Variants in LHFPL2 observed in about 807,000 individuals in gnomAD.
The protein encoded by LHFPL2 is LHFPL tetraspan subfamily member 2 protein.
A neutral mutation model predicts 17.5 loss-of-function variants in LHFPL2; 7 were observed. The ratio of observed to expected loss-of-function variants is 0.40; its 90% CI spans 0.23 to 0.75. The LOEUF (loss-of-function observed/expected upper bound fraction) is 0.75. Among genes scored for constraint, LHFPL2 ranks in the 30% least tolerant of loss-of-function variants. The pLI is 0.37. For missense variants in LHFPL2, 241 were observed against 294.8 expected (o/e 0.82, Z 1.34); for synonymous variants, 134 against 116.2 (o/e 1.15, Z -0.99).
At chr5:78,630,841 C>T (rs919418657) in intron 2 of LHFPL2, among the ~76,000 whole-genome samples, 1 of 152,228 alleles carries the variant, frequency 6.6e-6, no homozygotes, top group Non-Finnish European at 1.5e-5. Flanking sequence ...CTCAAGACCA[C>T]ATTCTCCTAG....
intron 4 of LHFPL2, among the ~76,000 whole-genome samples, chr5:78,498,595 C>T (rs184354977): frequency 3.2e-4 from 49 of 152,220 alleles, no homozygotes; most frequent in Non-Finnish European, 1.8e-4. Context: ...ATGTATCAGA[C>T]CACATCCAGT....
intron 2 of LHFPL2, among the ~76,000 whole-genome samples, chr5:78,582,281 T>G (rs1245914152): frequency 2.6e-5 from 4 of 152,100 alleles, no homozygotes; most frequent in African/African-American, 9.6e-5. Context: ...GTGTCTCTAT[T>G]TCCTTCAGTT....
intron 3 of LHFPL2, among the ~76,000 whole-genome samples, chr5:78,544,379 A>G (rs1442878355): frequency 6.6e-6 from 1 of 152,222 alleles, no homozygotes; most frequent in African/African-American, 2.4e-5. Flanking sequence ...TTGCATCATT[A>G]CAGGTAGCAC....
At chr5:78,620,021 A>C (rs1431813666) in intron 2 of LHFPL2, among the ~76,000 whole-genome samples, 5 of 111,162 alleles carry the variant, frequency 4.5e-5, no homozygotes, top group Admixed American at 2.0e-4. Context: ...GTATATACCC[A>C]GTAATGGGAT....
At chr5:78,559,577 A>G (rs1756669421) in intron 3 of LHFPL2, among the ~76,000 whole-genome samples, 1 of 152,158 alleles carries the variant, frequency 6.6e-6, no homozygotes, top group African/African-American at 2.4e-5. Flanking sequence ...AACTACATCC[A>G]TTTTGTCTTC....
chr5:78,544,431 C>T (rs1756206926), intron 3 of LHFPL2, among the ~76,000 whole-genome samples: 1 of 152,092 alleles, frequency 6.6e-6, no homozygotes, highest in Non-Finnish European at 1.5e-5. Flanking sequence ...CTTCAGCACT[C>T]CTGAATTGAC....
intron 2 of LHFPL2, among the ~76,000 whole-genome samples, chr5:78,601,424 A>G (rs993511112): frequency 2.5e-4 from 38 of 152,190 alleles, no homozygotes; most frequent in African/African-American, 9.2e-4. Flanking sequence ...GGAAGTTCTC[A>G]CTAGCAATGT....
At chr5:78,566,100 G>A (rs1756853236) in intron 2 of LHFPL2, among the ~76,000 whole-genome samples, 2 of 152,182 alleles carry the variant, frequency 1.3e-5, no homozygotes, top group Admixed American at 1.3e-4. Context: ...AAATTAAACA[G>A]AAAATATTCA....
At chr5:78,585,126 C>T (rs1197029008) in intron 2 of LHFPL2, among the ~76,000 whole-genome samples, 2 of 109,812 alleles carry the variant, frequency 1.8e-5, no homozygotes, top group African/African-American at 6.5e-5. Flanking sequence ...CCTGCCTCAG[C>T]CTCCCAAGTA....
At chr5:78,579,259 TGGA>T (rs1486469781) in intron 2 of LHFPL2, among the ~76,000 whole-genome samples, 1 of 151,626 alleles carries the variant, frequency 6.6e-6, no homozygotes, top group Non-Finnish European at 1.5e-5. Context: ...CAGGAGAGGG[TGGA>T]GGAGGAGGAG....
Position 78,490,643 on chromosome 5 carries a change from A to G in LHFPL2, c.431-1490T>C, listed in dbSNP as rs564048640. On this transcript the variant is annotated intron_variant, in intron 4 of 4. Transcript: ENST00000380345. Reference sequence around the variant, plus strand: ...CACACCTGTAGTCCCGGCTACTGGGAAGGCTGAGGCAGAAGAATCGCTTGA... The same window carrying G: ...CACACCTGTAGTCCCGGCTACTGGGGAGGCTGAGGCAGAAGAATCGCTTGA... Among the ~76,000 whole-genome samples the G allele has an allele frequency of 2.0e-5, 3 of 150,620 alleles. No homozygotes were observed. In the South Asian group the frequency reaches 6.3e-4, roughly 32 times the overall value.
chr5:78,585,998 T>A (rs1743378651), intron 2 of LHFPL2, among the ~76,000 whole-genome samples: 2 of 152,320 alleles, frequency 1.3e-5, no homozygotes, highest in South Asian at 4.1e-4. Context: ...GGTCATTTTT[T>A]AAATACATGG....
At position 78,610,713 on chromosome 5, in the gene LHFPL2, TAAG is replaced by T. The variant is rs113606687; in HGVS notation, c.-245+21548_-245+21550del. 4.1e-3 allele frequency among the ~76,000 whole-genome samples: 626 copies of T among 152,300 alleles called. 5 individuals carry two copies. The highest frequency in any genetic ancestry group is 0.014 in the African/African-American group (588 of 41,564). On this transcript the variant is annotated intron_variant, in intron 2 of 4. Coordinates refer to ENST00000380345, the MANE Select transcript of LHFPL2 (RefSeq NM_005779.3). The stretch of plus-strand genomic sequence containing the variant: ...TCCAGCCTCTAACAATGAAAGCAGC[TAAG>T]AAGAGTTACACTAGCTGTTGCTGTC...
At chr5:78,578,585 G>GCACACACACA (rs61127481) in intron 2 of LHFPL2, among the ~76,000 whole-genome samples, 86 of 146,996 alleles carry the variant, frequency 5.9e-4, no homozygotes, top group African/African-American at 1.5e-3. Context: ...TTGCATATGT[G>GCACACACACA]CACACACACA....
chr5:78,537,034 G>C (rs1274987437), intron 3 of LHFPL2, among the ~76,000 whole-genome samples: 5 of 152,174 alleles, frequency 3.3e-5, no homozygotes, highest in Non-Finnish European at 5.9e-5. Flanking sequence ...AGGAGCTTGT[G>C]AGAACTGTGG....
chr5:78,524,657 G>A (rs1237444364), intron 3 of LHFPL2, among the ~76,000 whole-genome samples: 3 of 150,342 alleles, frequency 2.0e-5, no homozygotes, highest in African/African-American at 4.9e-5. Context: ...CACAAGAATC[G>A]CTTGAACCCA....
rs1353846754 is a variant in LHFPL2, at chr5:78,639,527, G to A, written c.-349-7159C>T. Among the ~76,000 whole-genome samples the A allele has an allele frequency of 2.0e-5, 3 of 152,114 alleles. No individual in the cohort carries two copies. The East Asian group carries it at 5.8e-4, about 29-fold the overall frequency. ...GTAATTATGAGTTTTCACTGCAGAA[G>A]AACCCTGAAAGGCCCACTGTAAGAA... On this transcript the variant is annotated intron_variant, in intron 1 of 4. Coordinates refer to ENST00000380345, the MANE Select transcript of LHFPL2 (RefSeq NM_005779.3).
intron 2 of LHFPL2, among the ~76,000 whole-genome samples, chr5:78,604,176 T>C (rs112692069): frequency 1.1e-4 from 17 of 152,190 alleles, no homozygotes; most frequent in African/African-American, 3.9e-4. Flanking sequence ...CACATAGATA[T>C]AATATCAGAA....
At chr5:78,525,768 A>G (rs1026208388) in intron 3 of LHFPL2, among the ~76,000 whole-genome samples, 2 of 152,220 alleles carry the variant, frequency 1.3e-5, no homozygotes, top group Non-Finnish European at 2.9e-5. Flanking sequence ...GTTAAAATAA[A>G]CATGCTGCGT....
Sources: allele counts gnomAD v4.1 joint callset (sites outside exome capture counted in the v4.1 genomes callset), GRCh38; gene constraint gnomAD v4.1.1; transcripts MANE v1.5; gene names NCBI Gene and HGNC (gene_info 2026-07-23, HGNC 2026-07-21).